The following PGBD2 variants were observed in gnomAD, a reference collection of about 807,000 sequenced individuals.
PGBD2 encodes the protein piggyBac transposable element derived 2, also known as piggyBac transposable element-derived protein 2.
PGBD2 carries 6 observed loss-of-function variants against 8.1 expected under a neutral mutation model. The observed-to-expected ratio is 0.74, with a 90% CI of 0.40 to 1.46. The LOEUF is 1.46. Ranked by LOEUF, PGBD2 falls within the 40% of genes most tolerant of loss-of-function variation. The probability of loss-of-function intolerance (pLI) is 0.02; values close to 1 mark genes in which losing one functional copy is unlikely to be tolerated. For missense variants in PGBD2, 802 were observed against 739.0 expected (o/e 1.09, Z -0.99); for synonymous variants, 318 against 272.2 (o/e 1.17, Z -1.66).
chr1:248,916,636 G>A lies in PGBD2; in HGVS notation c.52G>A (p.Val18Met), dbSNP rs147191021. 20 of 1,614,016 alleles carry A rather than the reference G, an allele frequency of 1.2e-5. No individual in the cohort carries two copies. The highest frequency in any genetic ancestry group is 1.6e-4 in the Middle Eastern group (1 of 6,084). The part of the protein sequence containing the change: ...VIAGRGIHSK[V>M]KSAKLLEVLN... ...TGCTGGGAGAGGTATCCACTCAAAG[G>A]TGAAGTCTGCAAAGCTGCTTGAGGT... Residue 18 changes from valine to methionine, a missense_variant, in exon 3 of 3, where the codon GTG (valine) becomes ATG (methionine). Val to Met is a conservative substitution (Grantham distance 21, BLOSUM62 1). Coordinates refer to ENST00000329291, the MANE Select transcript of PGBD2 (RefSeq NM_170725.3).
At chr1:248,878,424 G>A in the PGBD2 span, among the ~76,000 whole-genome samples, 1 of 152,040 alleles carries the variant, frequency 6.6e-6, no homozygotes, top group African/African-American at 2.4e-5. Flanking sequence ...TGATCCGCCC[G>A]CCTCGGCCTC....
At chr1:248,899,103 A>G in the PGBD2 span, among the ~76,000 whole-genome samples, 6 of 152,200 alleles carry the variant, frequency 3.9e-5, no homozygotes, top group African/African-American at 9.7e-5. Context: ...CATTCTTAAA[A>G]CAAGTTCTTA....
the PGBD2 span, among the ~76,000 whole-genome samples, chr1:248,874,337 C>G: frequency 6.6e-6 from 1 of 152,218 alleles, no homozygotes; most frequent in Non-Finnish European, 1.5e-5. Flanking sequence ...GTTTTAAAAA[C>G]TGTTGCCGCA....
downstream of PGBD2, among the ~76,000 whole-genome samples, chr1:248,922,525 G>T (rs1198610447): frequency 1.3e-5 from 2 of 152,102 alleles, no homozygotes; most frequent in Non-Finnish European, 2.9e-5. Context: ...GGGCATCCTT[G>T]TCTTGTGCCA....
the PGBD2 span, among the ~76,000 whole-genome samples, chr1:248,898,059 G>T: frequency 1.3e-5 from 2 of 152,200 alleles, no homozygotes; most frequent in African/African-American, 4.8e-5. Context: ...TCCAGCCAGG[G>T]TTTAATGGAC....
At chr1:248,889,073 A>G in the PGBD2 span, among the ~76,000 whole-genome samples, 1 of 152,184 alleles carries the variant, frequency 6.6e-6, no homozygotes, top group Non-Finnish European at 1.5e-5. Flanking sequence ...CAACAATAAC[A>G]AGAATGATAA....
chr1:248,921,482 T>C (rs1662286076), downstream of PGBD2, among the ~76,000 whole-genome samples: 1 of 152,188 alleles, frequency 6.6e-6, no homozygotes, highest in South Asian at 2.1e-4. Context: ...TCTATTCTGT[T>C]CCATTGTCTA....
At chr1:248,910,532 C>T (rs879374469) in intron 1 of PGBD2, among the ~76,000 whole-genome samples, 1 of 152,210 alleles carries the variant, frequency 6.6e-6, no homozygotes, top group Non-Finnish European at 1.5e-5. Context: ...CAAAATCGCA[C>T]AGCTCATCGC....
the PGBD2 span, among the ~76,000 whole-genome samples, chr1:248,889,708 GC>G: frequency 3.3e-5 from 5 of 152,100 alleles, no homozygotes; most frequent in African/African-American, 1.2e-4. Flanking sequence ...ATACACTGGA[GC>G]CCCAGTAAAA....
the PGBD2 span, among the ~76,000 whole-genome samples, chr1:248,892,897 C>T: frequency 1.3e-5 from 2 of 152,198 alleles, no homozygotes; most frequent in Non-Finnish European, 2.9e-5. Context: ...TCTGGACACC[C>T]AGGCTTGAGT....
chr1:248,886,049 A>G, the PGBD2 span, among the ~76,000 whole-genome samples: 1 of 152,178 alleles, frequency 6.6e-6, no homozygotes, highest in Non-Finnish European at 1.5e-5. Context: ...AAAATAAGAA[A>G]CGTGTCTTAT....
the PGBD2 span, among the ~76,000 whole-genome samples, chr1:248,882,868 A>T: frequency 6.6e-6 from 1 of 152,218 alleles, no homozygotes; most frequent in Non-Finnish European, 1.5e-5. Flanking sequence ...TATTTACAAT[A>T]ATCAGGAGCA....
At chr1:248,874,338 T>C in the PGBD2 span, among the ~76,000 whole-genome samples, 3 of 152,304 alleles carry the variant, frequency 2.0e-5, no homozygotes, top group South Asian at 2.1e-4. Context: ...TTTTAAAAAC[T>C]GTTGCCGCAG....
chr1:248,924,975 C>T, the PGBD2 span, among the ~76,000 whole-genome samples: 1 of 152,086 alleles, frequency 6.6e-6, no homozygotes, highest in African/African-American at 2.4e-5. Context: ...AAAAAATACA[C>T]ATTATCTCCA....
the PGBD2 span, among the ~76,000 whole-genome samples, chr1:248,898,052 A>G: frequency 6.6e-6 from 1 of 152,170 alleles, no homozygotes; most frequent in East Asian, 1.9e-4. Flanking sequence ...CAGCAACTCC[A>G]GCCAGGGTTT....
At chr1:248,904,084 T>TC (rs397972360), upstream of PGBD2, among the ~76,000 whole-genome samples, 65 of 152,046 alleles carry the variant, frequency 4.3e-4, no homozygotes, top group African/African-American at 1.5e-3. Context: ...GTTTTTTTTT[T>TC]ATTTGTTAAC....
At chr1:248,892,067 C>A in the PGBD2 span, among the ~76,000 whole-genome samples, 1 of 152,202 alleles carries the variant, frequency 6.6e-6, no homozygotes, top group Non-Finnish European at 1.5e-5. Flanking sequence ...TGAGGACAGG[C>A]CTGCCTGGGA....
the PGBD2 span, among the ~76,000 whole-genome samples, chr1:248,929,617 C>T: frequency 2.0e-5 from 3 of 152,192 alleles, no homozygotes; most frequent in Non-Finnish European, 4.4e-5. Context: ...AGATGAGCCA[C>T]GTGGCTGCTG....
chr1:248,924,012 G>T (rs1036930652), downstream of PGBD2, among the ~76,000 whole-genome samples: 2 of 152,336 alleles, frequency 1.3e-5, no homozygotes, highest in African/African-American at 4.8e-5. Flanking sequence ...AAGGTAAGCC[G>T]TGGAGCTTCT....
Sources: gnomAD v4.1 joint callset for allele counts (sites outside exome capture counted in the v4.1 genomes callset) on GRCh38, gnomAD v4.1.1 for gene constraint, MANE v1.5 for transcripts, NCBI Gene and HGNC (gene_info 2026-07-23, HGNC 2026-07-21) for gene names.